The following RGMB variants were observed in gnomAD, a reference collection of about 807,000 sequenced individuals.
The protein encoded by RGMB is repulsive guidance molecule B.
In RGMB, 16 loss-of-function variants were observed where a neutral mutation model predicts 26.9. The observed-to-expected ratio is 0.60, with a 90% CI of 0.40 to 0.90. The LOEUF (loss-of-function observed/expected upper bound fraction) is 0.90. Among genes scored for constraint, RGMB ranks in the 40% least tolerant of loss-of-function variants. The pLI, the probability that RGMB is intolerant of heterozygous loss-of-function variation, is 0.00. For missense variants in RGMB, 512 were observed against 573.3 expected, an observed-to-expected ratio of 0.89 and a Z score of 1.09; for synonymous variants, 225 against 229.3, an observed-to-expected ratio of 0.98 and a Z score of 0.17.
Position 98,794,460 on chromosome 5 carries a change from C to T in RGMB, c.*707C>T, listed in dbSNP as rs1313863655. 6.6e-6 allele frequency: 1 copy of T among 152,164 alleles called. No individual in the cohort carries two copies. The highest frequency in any genetic ancestry group is 2.4e-5 in the African/African-American group (1 of 41,436). The allele number at this position is 152,164 out of a possible 1,614,324, so 9.4% of individuals were successfully genotyped here. ...AGGTTGAACCATAGAAACTGCTATT[C>T]TCGTAGGTCAAAAGGGTCTAGTGAT... On this transcript the variant is annotated 3_prime_UTR_variant, in exon 3 of 3. Coordinates refer to ENST00000513185, the MANE Select transcript of RGMB (RefSeq NM_001366508.1).
At chr5:98,778,053 GAAATTTA>G (rs936972379) in intron 1 of RGMB, among the ~76,000 whole-genome samples, 8 of 152,022 alleles carry the variant, frequency 5.3e-5, no homozygotes, top group African/African-American at 1.7e-4. Flanking sequence ...AAGAAGATTT[GAAATTTA>G]AAATTTAAAA....
intron 2 of RGMB, 100 bp downstream of exon 2, chr5:98,780,188 A>C: frequency 9.2e-7 from 1 of 1,092,608 alleles, no homozygotes; most frequent in Non-Finnish European, 1.3e-6. Context: ...CCTAGTTTAA[A>C]AGGAACTTCT....
intron 2 of RGMB, among the ~76,000 whole-genome samples, chr5:98,782,923 G>A (rs1213456238): frequency 6.6e-6 from 1 of 152,122 alleles, no homozygotes; most frequent in East Asian, 1.9e-4. Context: ...AAGTCACCCG[G>A]GGCCATATAT....
At chr5:98,772,005 T>A (rs1343688515), upstream of RGMB, among the ~76,000 whole-genome samples, 3 of 152,260 alleles carry the variant, frequency 2.0e-5, no homozygotes, top group Non-Finnish European at 2.9e-5. Flanking sequence ...ATTACTTTTT[T>A]AAGATGCTTC....
intron 2 of RGMB, among the ~76,000 whole-genome samples, chr5:98,788,610 G>T (rs1161023068): frequency 2.0e-5 from 3 of 152,102 alleles, no homozygotes; most frequent in African/African-American, 4.8e-5. Flanking sequence ...TGTAACCAGG[G>T]GACAGTTGCC....
rs151078082 is a variant in RGMB, at chr5:98,779,484, G to C, written c.137-96G>C. ...AAATAGGAGTACAGTGTATAAAATA[G>C]AACAAACAATTCCCAAAGAACAATG... On this transcript the variant is annotated intron_variant, in intron 1 of 2. Coordinates refer to ENST00000513185, the MANE Select transcript of RGMB (RefSeq NM_001366508.1). The C allele has an allele frequency of 1.3e-5, 17 of 1,267,672 alleles. No individual in the cohort carries two copies. In the Middle Eastern group the frequency reaches 5.9e-4, roughly 44 times the overall value. The allele number at this position is 1,267,672 out of a possible 1,614,324, so 78.5% of individuals were successfully genotyped here.
rs1747101980 is a variant in RGMB, at chr5:98,795,793, T to C, written c.*2040T>C. On this transcript the variant is annotated 3_prime_UTR_variant, in exon 3 of 3. Coordinates refer to ENST00000513185, the MANE Select transcript of RGMB (RefSeq NM_001366508.1). Reference sequence around the variant, plus strand: ...ATACGGAGGATAACCACTATTTTTGTGCAAATAATATGAAAGTGAAGTAAA... The same window carrying C: ...ATACGGAGGATAACCACTATTTTTGCGCAAATAATATGAAAGTGAAGTAAA... The C allele has an allele frequency of 6.6e-6, 1 of 152,222 alleles. No homozygotes were observed. Among genetic ancestry groups the C allele is most frequent in the South Asian group, 2.1e-4 (1 of 4,836 alleles). The allele number at this position is 152,222 out of a possible 1,614,324, so 9.4% of individuals were successfully genotyped here.
chr5:98,774,381 A>AC (rs1239065199), intron 1 of RGMB, among the ~76,000 whole-genome samples, 175 bp downstream of exon 1: 1 of 152,056 alleles, frequency 6.6e-6, no homozygotes, highest in Non-Finnish European at 1.5e-5. Context: ...TAACGCAGCC[A>AC]CCCACCGGGC....
At position 98,773,879 on chromosome 5, in the gene RGMB, G is replaced by A. The variant is rs754434803; in HGVS notation, c.-192G>A. 211 of 507,902 alleles carry A rather than the reference G, an allele frequency of 4.2e-4. 1 individual carries two copies. The highest frequency in any genetic ancestry group is 7.5e-4 in the South Asian group (25 of 33,456). 31.5% of individuals were successfully genotyped at this position (507,902 alleles called of 1,614,324 possible). A position where few individuals can be genotyped will look rare whatever the true frequency, so the allele number is the denominator to read the frequency against. On this transcript the variant is annotated 5_prime_UTR_variant, in exon 1 of 3. Coordinates refer to ENST00000513185, the MANE Select transcript of RGMB (RefSeq NM_001366508.1). ...GCCCCTGCGCCCCGCTGCTGCCGCC[G>A]CGGACTGGCTGCGCCGGCTGCGCGC...
At chr5:98,781,998 AAAAGTT>A (rs1365184192) in intron 2 of RGMB, among the ~76,000 whole-genome samples, 2 of 152,242 alleles carry the variant, frequency 1.3e-5, no homozygotes, top group Non-Finnish European at 2.9e-5. Context: ...CCCATTCAAA[AAAAGTT>A]GGAGAAAGTG....
Position 98,779,889 on chromosome 5 carries a change from A to G in RGMB, c.446A>G (p.Glu149Gly). ...CNYHSHAGAREHRRGDQNPPS... is the reference protein window; with the variant it reads ...CNYHSHAGARGHRRGDQNPPS... Reference sequence around the variant, plus strand: ...TATCACAGCCACGCTGGAGCCAGGGAACACAGGAGAGGGGACCAGAACCCT... The same window carrying G: ...TATCACAGCCACGCTGGAGCCAGGGGACACAGGAGAGGGGACCAGAACCCT... Residue 149 changes from glutamate (E) to glycine (G), a missense_variant, in exon 2 of 3, where the codon GAA (glutamate) becomes GGA (glycine). Glu to Gly is a moderately conservative substitution (Grantham distance 98). Transcript: ENST00000513185. 1 of 1,614,030 alleles carries G rather than the reference A, an allele frequency of 6.2e-7. No homozygotes were observed. Among genetic ancestry groups the G allele is most frequent in the Non-Finnish European group, 8.5e-7 (1 of 1,179,888 alleles).
At chr5:98,787,776 C>A (rs867983286) in intron 2 of RGMB, among the ~76,000 whole-genome samples, 2 of 152,246 alleles carry the variant, frequency 1.3e-5, no homozygotes, top group South Asian at 4.1e-4. Context: ...ATGCTTCCAG[C>A]ATTCACTGTC....
At chr5:98,778,516 T>C (rs1055471703) in intron 1 of RGMB, among the ~76,000 whole-genome samples, 3 of 152,198 alleles carry the variant, frequency 2.0e-5, no homozygotes, top group Non-Finnish European at 4.4e-5. Flanking sequence ...AAAGATTTTA[T>C]GTAACACAAA....
chr5:98,780,001 C>G lies in RGMB; in HGVS notation c.558C>G (p.Ala186=). The G allele has an allele frequency of 2.5e-6, 4 of 1,613,964 alleles. No homozygotes were observed. The highest frequency in any genetic ancestry group is 3.4e-6 in the Non-Finnish European group (4 of 1,179,856). The change falls in exon 2 of 3, where the codon GCC becomes GCG. Residue 186 remains alanine, a synonymous_variant. Coordinates refer to ENST00000513185, the MANE Select transcript of RGMB (RefSeq NM_001366508.1). ...TCCAAACATGCAAAGTAGAAGGGGCCTGGCCACTCATAGATAATAATTATC... is the reference window on the plus strand; with the variant it reads ...TCCAAACATGCAAAGTAGAAGGGGCGTGGCCACTCATAGATAATAATTATC... ...DNFQTCKVEG[A]WPLIDNNYLS...
chr5:98,793,707 CTG>C lies in RGMB; in HGVS notation c.1270_1271del (p.Val424GlnfsTer37). The C allele has an allele frequency of 1.2e-6, 2 of 1,607,762 alleles. No individual in the cohort carries two copies. Among genetic ancestry groups the C allele is most frequent in the Non-Finnish European group, 1.7e-6 (2 of 1,176,946 alleles). The stretch of plus-strand genomic sequence containing the variant: ...ACTCCCCGTGGAGGCAGTGATTTGT[CTG>C]TCAGTCTAGGACTCACCTGCTTGAT... On this transcript the variant is annotated frameshift_variant, in exon 3 of 3. Coordinates refer to ENST00000513185, the MANE Select transcript of RGMB (RefSeq NM_001366508.1). LOFTEE classifies it high-confidence loss of function.
At chr5:98,777,100 A>G (rs536575284) in intron 1 of RGMB, among the ~76,000 whole-genome samples, 668 of 151,704 alleles carry the variant, frequency 4.4e-3, no homozygotes, top group Non-Finnish European at 7.6e-3. Flanking sequence ...AAAAAAAAAA[A>G]GGAAAGGAAA....
rs146731310 is a variant in RGMB at position 98,793,840 on chromosome 5, A to G, written c.*87A>G. The stretch of plus-strand genomic sequence containing the variant: ...GTCATAATATATTGAGTAAAAGAGT[A>G]TATATGTATATACCATGTATATGAC... On this transcript the variant is annotated 3_prime_UTR_variant, in exon 3 of 3. Transcript: ENST00000513185. 5.4e-5 allele frequency: 53 copies of G among 979,844 alleles called. No individual in the cohort carries two copies. Among genetic ancestry groups the G allele is most frequent in the Non-Finnish European group, 7.2e-5 (49 of 680,922 alleles). The allele number at this position is 979,844 out of a possible 1,614,324, so 60.7% of individuals were successfully genotyped here.
rs1746298022 is a variant in RGMB at position 98,774,145 on chromosome 5, C to CT, written c.76dup (p.Cys26LeufsTer22). ...TTGAGCAGCGCCGCAGCCCCGGGCT[C>CT]TGCCCCCCGCCGCTGGAGCTGCTGC... On this transcript the variant is annotated frameshift_variant, in exon 1 of 3. Transcript: ENST00000513185. LOFTEE classifies it high-confidence loss of function. 6.7e-7 allele frequency: 1 copy of CT among 1,490,656 alleles called. No homozygotes were observed. Among genetic ancestry groups the CT allele is most frequent in the Non-Finnish European group, 8.9e-7 (1 of 1,124,280 alleles). 92.3% of individuals were successfully genotyped at this position (1,490,656 alleles called of 1,614,324 possible). A position where few individuals can be genotyped will look rare whatever the true frequency, so the allele number is the denominator to read the frequency against.
rs1297728311 is a variant in RGMB at position 98,783,924 on chromosome 5, G to A, written c.645+3836G>A. On this transcript the variant is annotated intron_variant, in intron 2 of 2. Transcript: ENST00000513185. ...TTTTTCCTTTTGTTTTAATGTGGTTGTATCCTTTTTCACCACTCTTGCTTT... is the reference window on the plus strand; with the variant it reads ...TTTTTCCTTTTGTTTTAATGTGGTTATATCCTTTTTCACCACTCTTGCTTT... Among the ~76,000 whole-genome samples, 7 of 152,236 alleles carry A rather than the reference G, an allele frequency of 4.6e-5. No individual in the cohort carries two copies. The South Asian group carries it at 1.0e-3, about 23-fold the overall frequency.
Sources: gnomAD v4.1 joint callset for allele counts (sites outside exome capture counted in the v4.1 genomes callset) on GRCh38, gnomAD v4.1.1 for gene constraint, MANE v1.5 for transcripts, NCBI Gene and HGNC (gene_info 2026-07-23, HGNC 2026-07-21) for gene names.